Variants in CTSV observed in about 807,000 individuals in gnomAD.
CTSV encodes the protein cathepsin L2.
CTSV carries 33 observed loss-of-function variants against 35.6 expected under a neutral mutation model. That is an observed-to-expected ratio of 0.93 (90% CI 0.70 to 1.24). The LOEUF (loss-of-function observed/expected upper bound fraction) is 1.24. CTSV is among the 50% of genes most tolerant of loss of function. The pLI, the probability that CTSV is intolerant of heterozygous loss-of-function variation, is 0.00. For missense variants in CTSV, 408 were observed against 413.1 expected (o/e 0.99, Z 0.11); for synonymous variants, 154 against 147.1 (o/e 1.05, Z -0.34).
In CTSV at chr9:97,034,490, G is replaced by C. The variant is rs145895858; in HGVS notation, c.905+236C>G. Among the ~76,000 whole-genome samples the C allele has an allele frequency of 1.9e-4, 29 of 152,290 alleles. No homozygotes were observed. The East Asian group carries it at 5.2e-3, about 27-fold the overall frequency. The stretch of plus-strand genomic sequence containing the variant: ...CCACAGTCCTTTGTCTGAAACCCTT[G>C]AGGACTAATGTGTTTCAGAATTTAA... On this transcript the variant is annotated intron_variant, in intron 7 of 7. Coordinates refer to ENST00000259470, the MANE Select transcript of CTSV (RefSeq NM_001333.4).
Position 97,036,701 on chromosome 9 carries a change from T to G in CTSV, c.443A>C (p.Glu148Ala), listed in dbSNP as rs772123463. The change falls in exon 5 of 8, where the codon GAA becomes GCA. Residue 148 changes from glutamate (E) to alanine (A), a missense_variant. Coordinates refer to ENST00000259470, the MANE Select transcript of CTSV (RefSeq NM_001333.4). ...CCCAGTTTTCCGGAACATCTGTCCTTCAAGAGCACCAGTCGCACTAAAAGC... is the reference window on the plus strand; with the variant it reads ...CCCAGTTTTCCGGAACATCTGTCCTGCAAGAGCACCAGTCGCACTAAAAGC... ...CWAFSATGALEGQMFRKTGKL... is the reference protein window; with the variant it reads ...CWAFSATGALAGQMFRKTGKL... 7.4e-6 allele frequency: 12 copies of G among 1,613,668 alleles called. No individual in the cohort carries two copies. Among genetic ancestry groups the G allele is most frequent in the Non-Finnish European group, 1.0e-5 (12 of 1,179,912 alleles).
At chr9:97,038,526 C>T (rs1033966295) in intron 1 of CTSV, 16 of 154,612 alleles carry the variant, frequency 1.0e-4, no homozygotes, top group Admixed American at 9.5e-4. Flanking sequence ...TAAAACCTTT[C>T]GGGAATCCCT....
chr9:97,034,949 G>A (rs928653103), intron 6 of CTSV, 106 bp from the exon 7 acceptor site: 3 of 795,862 alleles, frequency 3.8e-6, no homozygotes, highest in African/African-American at 1.7e-5. Context: ...TCAGTAAAAT[G>A]TCATAAACAA....
rs1459351564 is a variant in CTSV, at chr9:97,031,916, G to A, written c.*1033C>T. 6.6e-6 allele frequency: 1 copy of A among 152,178 alleles called. No homozygotes were observed. Among genetic ancestry groups the A allele is most frequent in the Non-Finnish European group, 1.5e-5 (1 of 68,034 alleles). 9.4% of individuals were successfully genotyped at this position (152,178 alleles called of 1,614,324 possible). ...AGGTGGAATATGTCATCAGAGACTT[G>A]GAATGAAAACAAAATACCCTTGGTA... is the stretch of plus-strand genomic sequence containing the variant. On this transcript the variant is annotated 3_prime_UTR_variant, in exon 8 of 8. Transcript: ENST00000259470.
In CTSV at chr9:97,037,119, C is replaced by CA. The variant is rs530100682; in HGVS notation, c.396+132dup. ...CTAAACTCCGTCTCAAACAAGCAAA[C>CA]AAAAAAAACACCAAAAACCAAAAAT... is the stretch of plus-strand genomic sequence containing the variant. On this transcript the variant is annotated intron_variant, in intron 4 of 7. Coordinates refer to ENST00000259470, the MANE Select transcript of CTSV (RefSeq NM_001333.4). 255 of 975,134 alleles carry CA rather than the reference C, an allele frequency of 2.6e-4. 1 individual carries two copies. The highest frequency in any genetic ancestry group is 1.7e-3 in the African/African-American group (101 of 60,688). 60.4% of individuals were successfully genotyped at this position (975,134 alleles called of 1,614,324 possible). A position where few individuals can be genotyped will look rare whatever the true frequency, so the allele number is the denominator to read the frequency against.
In CTSV at chr9:97,030,296, C is replaced by T. The variant is rs1221341411; in HGVS notation, c.*2653G>A. 1 of 152,108 alleles carries T rather than the reference C, an allele frequency of 6.6e-6. No homozygotes were observed. Among genetic ancestry groups the T allele is most frequent in the African/African-American group, 2.4e-5 (1 of 41,416 alleles). The allele number at this position is 152,108 out of a possible 1,614,324, so 9.4% of individuals were successfully genotyped here. A position where few individuals can be genotyped will look rare whatever the true frequency, so the allele number is the denominator to read the frequency against. ...AAGTCCATAGCCTCTAGTATGATGC[C>T]CAAGTGTCATAACTACACTCCCACA... is the stretch of plus-strand genomic sequence containing the variant. On this transcript the variant is annotated 3_prime_UTR_variant, in exon 8 of 8. Transcript: ENST00000259470.
intron 2 of CTSV, 112 bp downstream of exon 2, chr9:97,037,806 G>T: frequency 6.9e-7 from 1 of 1,457,848 alleles, no homozygotes; most frequent in Non-Finnish European, 9.5e-7. Context: ...GGTGCTGTTA[G>T]GTTATTGCCT....
intron 3 of CTSV, 30 bp downstream of exon 3, chr9:97,037,461 GCA>G (rs1454250736): frequency 2.5e-6 from 4 of 1,613,974 alleles, no homozygotes; most frequent in East Asian, 2.2e-5. Context: ...CTGAGAAGCA[GCA>G]CAGAGTTCAG....
In CTSV at chr9:97,035,707, A is replaced by AG; in HGVS notation, c.622-15dup. ...ACAGATTTCATCCTTTTAAAGTTAA[A>AG]GGGGGAGAGACTTGATCACTACCAT... On this transcript the variant is annotated splice_polypyrimidine_tract_variant and intron_variant, in intron 5 of 7. Coordinates refer to ENST00000259470, the MANE Select transcript of CTSV (RefSeq NM_001333.4). 6.9e-7 allele frequency: 1 copy of AG among 1,457,242 alleles called. No individual in the cohort carries two copies. Among genetic ancestry groups the AG allele is most frequent in the South Asian group, 1.5e-5 (1 of 65,862 alleles). 90.3% of individuals were successfully genotyped at this position (1,457,242 alleles called of 1,614,324 possible).
In CTSV at chr9:97,037,268, G is replaced by A. The variant is rs751076789; in HGVS notation, c.380C>T (p.Thr127Met). ...SVDWRKKGYV[T>M]PVKNQKQCGS... The stretch of plus-strand genomic sequence containing the variant: ...CTGTCTCACCTGATTCTTCACTGGC[G>A]TCACGTAGCCTTTCTTTCTCCAATC... The change falls in exon 4 of 8, where the codon ACG becomes ATG. Residue 127 changes from threonine to methionine, a missense_variant. Thr to Met is a moderately conservative substitution (Grantham distance 81, BLOSUM62 -1). Transcript: ENST00000259470. The A allele has an allele frequency of 7.4e-6, 12 of 1,613,778 alleles. No individual in the cohort carries two copies. The highest frequency in any genetic ancestry group is 3.3e-5 in the South Asian group (3 of 91,034).
Position 97,035,536 on chromosome 9 carries a change from T to G in CTSV, c.779A>C (p.Tyr260Ser), listed in dbSNP as rs769047689. 2 of 1,537,480 alleles carry G rather than the reference T, an allele frequency of 1.3e-6. No individual in the cohort carries two copies. The change falls in exon 6 of 8, where the codon TAC becomes TCC. Residue 260 changes from tyrosine (Y) to serine (S), a missense_variant. Coordinates refer to ENST00000259470, the MANE Select transcript of CTSV (RefSeq NM_001333.4). ...AATAAAATGACACTTACCTGATTTG[T>G]AGAACTGGAAGGACGAATGGCCTGC... Reference protein sequence around the residue: ...MDAGHSSFQFYKSGIYFEPDC... With the variant: ...MDAGHSSFQFSKSGIYFEPDC...
At chr9:97,034,658 C>G (rs1171860705) in intron 7 of CTSV, 68 bp downstream of exon 7, 3 of 1,198,926 alleles carry the variant, frequency 2.5e-6, no homozygotes, top group Middle Eastern at 2.0e-4. Flanking sequence ...TGAAATTGAG[C>G]TTTTGTGAAC....
rs775489939 is a variant in CTSV, at chr9:97,032,959, G to A, written c.995C>T (p.Pro332Leu). 1 of 1,611,224 alleles carries A rather than the reference G, an allele frequency of 6.2e-7. No homozygotes were observed. The highest frequency in any genetic ancestry group is 1.1e-5 in the South Asian group (1 of 90,692). Residue 332 changes from proline to leucine, a missense_variant, in exon 8 of 8, where the codon CCC becomes CTC. Coordinates refer to ENST00000259470, the MANE Select transcript of CTSV (RefSeq NM_001333.4). ...TCACCATCCATCAGCTCACACATTG[G>A]GGTAGCTGGCTGCTGTGGCGATTCC... ...HCGIATAASY[P>L]NV is the part of the protein sequence containing the mutation.
In CTSV at chr9:97,031,898, A is replaced by G. The variant is rs1828750469; in HGVS notation, c.*1051T>C. The G allele has an allele frequency of 6.6e-6, 1 of 152,252 alleles. No individual in the cohort carries two copies. Among genetic ancestry groups the G allele is most frequent in the Non-Finnish European group, 1.5e-5 (1 of 68,038 alleles). 9.4% of individuals were successfully genotyped at this position (152,252 alleles called of 1,614,324 possible). ...AGCTTTTCTAGAAGAGCTAGGTGGA[A>G]TATGTCATCAGAGACTTGGAATGAA... On this transcript the variant is annotated 3_prime_UTR_variant, in exon 8 of 8. Transcript: ENST00000259470.
In CTSV at chr9:97,030,265, A is replaced by G. The variant is rs1448265483; in HGVS notation, c.*2684T>C. The G allele has an allele frequency of 6.6e-6, 1 of 152,216 alleles. No individual in the cohort carries two copies. Among genetic ancestry groups the G allele is most frequent in the African/African-American group, 2.4e-5 (1 of 41,440 alleles). 9.4% of individuals were successfully genotyped at this position (152,216 alleles called of 1,614,324 possible). ...CATAGGGCTGAGTGGATGTTTCCTTATTGCTAAGTCCATAGCCTCTAGTAT... is the reference window on the plus strand; with the variant it reads ...CATAGGGCTGAGTGGATGTTTCCTTGTTGCTAAGTCCATAGCCTCTAGTAT... On this transcript the variant is annotated 3_prime_UTR_variant, in exon 8 of 8. Transcript: ENST00000259470.
At chr9:97,033,838 G>C (rs888043802) in intron 7 of CTSV, among the ~76,000 whole-genome samples, 2 of 152,098 alleles carry the variant, frequency 1.3e-5, no homozygotes, top group African/African-American at 2.4e-5. Flanking sequence ...GCTCATGTCT[G>C]TAATACCAGT....
Position 97,035,611 on chromosome 9 carries a change from G to A in CTSV, c.704C>T (p.Ala235Val), listed in dbSNP as rs1012275196. The A allele has an allele frequency of 1.9e-6, 3 of 1,605,908 alleles. No individual in the cohort carries two copies. Among genetic ancestry groups the A allele is most frequent in the African/African-American group, 1.3e-5 (1 of 74,594 alleles). The part of the protein sequence containing the change: ...FTVVAPGKEK[A>V]LMKAVATVGP... ...CACAGTTGCGACTGCTTTCATCAGGGCCTTCTCCTTTCCAGGTGCGACCAC... is the reference window on the plus strand; with the variant it reads ...CACAGTTGCGACTGCTTTCATCAGGACCTTCTCCTTTCCAGGTGCGACCAC... The change falls in exon 6 of 8, where the codon GCC (alanine) becomes GTC (valine). Residue 235 changes from alanine to valine, a missense_variant. Coordinates refer to ENST00000259470, the MANE Select transcript of CTSV (RefSeq NM_001333.4).
rs779359315 is a variant in CTSV at position 97,037,632 on chromosome 9, A to G, written c.127-17T>C. On this transcript the variant is annotated splice_polypyrimidine_tract_variant and intron_variant, in intron 2 of 7. Transcript: ENST00000259470. ...TTCTTCATTCTAGAGGCAAACATATAGCTGGTGGACTTTATGTCTACTTAC... is the reference window on the plus strand; with the variant it reads ...TTCTTCATTCTAGAGGCAAACATATGGCTGGTGGACTTTATGTCTACTTAC... The G allele has an allele frequency of 1.2e-6, 2 of 1,612,998 alleles. No homozygotes were observed. Among genetic ancestry groups the G allele is most frequent in the Admixed American group, 3.3e-5 (2 of 59,908 alleles).
chr9:97,034,414 C>T (rs553876903), intron 7 of CTSV, among the ~76,000 whole-genome samples: 1 of 152,274 alleles, frequency 6.6e-6, no homozygotes, highest in East Asian at 1.9e-4. Context: ...CTTACTATTC[C>T]TTGTTGAAAA....
Sources: gnomAD v4.1 joint callset for allele counts (sites outside exome capture counted in the v4.1 genomes callset) on GRCh38, gnomAD v4.1.1 for gene constraint, MANE v1.5 for transcripts, NCBI Gene and HGNC (gene_info 2026-07-23, HGNC 2026-07-21) for gene names.